The following PARD3B variants were observed in gnomAD, a reference collection of about 807,000 sequenced individuals.
PARD3B encodes the protein par-3 family cell polarity regulator beta.
In PARD3B, 103 loss-of-function variants were observed where a neutral mutation model predicts 130.2. The observed-to-expected ratio is 0.79, with a 90% CI of 0.67 to 0.93. The LOEUF is 0.93. PARD3B is among the 40% of genes least tolerant of loss of function. The pLI, the probability that PARD3B is intolerant of heterozygous loss-of-function variation, is 0.00. For missense variants in PARD3B, 1,609 were observed against 1,499.2 expected, an observed-to-expected ratio of 1.07 and a Z score of -1.21; for synonymous variants, 583 against 553.2, an observed-to-expected ratio of 1.05 and a Z score of -0.76.
intron 2 of PARD3B, among the ~76,000 whole-genome samples, chr2:204,847,661 C>T (rs748335493): frequency 1.3e-5 from 2 of 152,158 alleles, no homozygotes; most frequent in Non-Finnish European, 2.9e-5. Flanking sequence ...ACCTGCTAGC[C>T]TTCTAAGTCA....
chr2:205,023,301 G>A (rs1696762612), intron 3 of PARD3B, among the ~76,000 whole-genome samples: 1 of 152,054 alleles, frequency 6.6e-6, no homozygotes, highest in Non-Finnish European at 1.5e-5. Context: ...GCACAATGTC[G>A]ATTAAAATAA....
At chr2:205,118,179 G>T (rs1456363933) in intron 6 of PARD3B, among the ~76,000 whole-genome samples, 1 of 152,172 alleles carries the variant, frequency 6.6e-6, no homozygotes, top group Non-Finnish European at 1.5e-5. Context: ...ATCAGATTAA[G>T]TTCATTGGCT....
At chr2:204,920,322 T>A (rs1415182401) in intron 2 of PARD3B, among the ~76,000 whole-genome samples, 1 of 152,196 alleles carries the variant, frequency 6.6e-6, no homozygotes, top group Non-Finnish European at 1.5e-5. Context: ...AACCACTTGG[T>A]ATCAGAAGAT....
chr2:205,037,254 T>C (rs1698027982), intron 3 of PARD3B, among the ~76,000 whole-genome samples: 1 of 147,380 alleles, frequency 6.8e-6, no homozygotes, highest in Admixed American at 6.9e-5. Context: ...TAAAAATATA[T>C]ATATAGTGGA....
rs2040612087 is a variant in PARD3B, at chr2:205,268,840, C to T, written c.2185+23018C>T. 6.6e-6 allele frequency among the ~76,000 whole-genome samples: 1 copy of T among 151,998 alleles called. No individual in the cohort carries two copies. Among genetic ancestry groups the T allele is most frequent in the South Asian group, 2.1e-4 (1 of 4,816 alleles). On this transcript the variant is annotated intron_variant, in intron 16 of 22. Transcript: ENST00000406610. This position sits in a 1 kb window ranked among gnomAD's most constrained non-coding sequence, Gnocchi z 4.1. ...AGGTGGAAGGAGGAAAATAAATTAC[C>T]TCATTTTAACAACCTCATTAATAAG...
At chr2:205,261,267 GAATA>G (rs894006433) in intron 16 of PARD3B, among the ~76,000 whole-genome samples, 13 of 152,146 alleles carry the variant, frequency 8.5e-5, no homozygotes, top group African/African-American at 2.4e-5. Flanking sequence ...ATGAATGAAT[GAATA>G]TTCTTTGTAA....
At chr2:205,358,937 A>T (rs1406859402) in intron 18 of PARD3B, among the ~76,000 whole-genome samples, 1 of 152,154 alleles carries the variant, frequency 6.6e-6, no homozygotes, top group African/African-American at 2.4e-5. Flanking sequence ...AACTTGTAGA[A>T]ATTTGTGCCC....
Position 205,172,354 on chromosome 2 carries a change from T to C in PARD3B, c.1764T>C (p.Ile588=). The part of the protein sequence containing the change: ...GNIRGMIQLV[I]LRRPERPMED... ...TCCGAGGGATGATCCAGTTGGTGAT[T>C]CTGAGGAGGCCAGAGAGACCAATGG... Residue 588 remains isoleucine (I), a synonymous_variant, in exon 12 of 23, where the codon ATT becomes ATC. Coordinates refer to ENST00000406610, the MANE Select transcript of PARD3B (RefSeq NM_001302769.2). 6.2e-7 allele frequency: 1 copy of C among 1,614,080 alleles called. No homozygotes were observed. The highest frequency in any genetic ancestry group is 8.5e-7 in the Non-Finnish European group (1 of 1,179,974).
At chr2:204,602,187 G>A (rs917900499) in intron 1 of PARD3B, among the ~76,000 whole-genome samples, 3 of 152,008 alleles carry the variant, frequency 2.0e-5, no homozygotes, top group African/African-American at 7.2e-5. Context: ...TCATCAAATG[G>A]ACAGAATAAA....
At chr2:204,957,728 G>A (rs971830424) in intron 2 of PARD3B, among the ~76,000 whole-genome samples, 1 of 152,024 alleles carries the variant, frequency 6.6e-6, no homozygotes, top group Non-Finnish European at 1.5e-5. Context: ...TTGTTATTTA[G>A]TTACAAGCAG....
In PARD3B at chr2:205,241,837, G is replaced by T. The variant is rs557551809; in HGVS notation, c.2141-3941G>T. Among the ~76,000 whole-genome samples, 1 of 152,112 alleles carries T rather than the reference G, an allele frequency of 6.6e-6. No individual in the cohort carries two copies. The highest frequency in any genetic ancestry group is 6.5e-5 in the Admixed American group (1 of 15,284). On this transcript the variant is annotated intron_variant, in intron 15 of 22. Coordinates refer to ENST00000406610, the MANE Select transcript of PARD3B (RefSeq NM_001302769.2). The surrounding 1 kb of genome is among the most constrained non-coding windows in gnomAD (Gnocchi z 4.2). ...TTCCAATCACTGTGCTAAATATTATGCAGTGAAACTACTAGACGTAAGCTT... is the reference window on the plus strand; with the variant it reads ...TTCCAATCACTGTGCTAAATATTATTCAGTGAAACTACTAGACGTAAGCTT...
intron 3 of PARD3B, among the ~76,000 whole-genome samples, chr2:204,982,187 A>T (rs1370196083): frequency 1.3e-5 from 2 of 152,154 alleles, no homozygotes; most frequent in East Asian, 3.9e-4. Context: ...TCACATTAGG[A>T]CACAAGTAGG....
chr2:205,375,160 C>T (rs1225364811), intron 18 of PARD3B, among the ~76,000 whole-genome samples: 2 of 152,140 alleles, frequency 1.3e-5, no homozygotes, highest in East Asian at 1.9e-4. Context: ...TACCCTGACA[C>T]TTGTCTCATC....
rs986650561 is a variant in PARD3B, at chr2:204,606,200, CAT to C, written c.120+60082_120+60083del. ...GATTTTTGTCTTTGAGTTTGCCACA[CAT>C]GTGGCATAGTGCAGCGCCTTATGTA... On this transcript the variant is annotated intron_variant, in intron 1 of 22. Transcript: ENST00000406610. The surrounding 1 kb of genome is among the most constrained non-coding windows in gnomAD (Gnocchi z 4.0). 1.1e-4 allele frequency among the ~76,000 whole-genome samples: 16 copies of C among 152,310 alleles called. No individual in the cohort carries two copies. The highest frequency in any genetic ancestry group is 2.4e-4 in the African/African-American group (10 of 41,570).
chr2:205,594,536 T>A (rs2054501790), intron 22 of PARD3B, among the ~76,000 whole-genome samples: 1 of 152,070 alleles, frequency 6.6e-6, no homozygotes, highest in Non-Finnish European at 1.5e-5. Flanking sequence ...ACATGGGAAA[T>A]GTCAGTGAGA....
At chr2:205,310,340 C>T (rs1007812897) in intron 18 of PARD3B, among the ~76,000 whole-genome samples, 5 of 152,022 alleles carry the variant, frequency 3.3e-5, no homozygotes, top group Non-Finnish European at 7.4e-5. Flanking sequence ...CCTGCCTCAG[C>T]CTCCCAAAGT....
chr2:204,859,138 A>C (rs1034165158), intron 2 of PARD3B, among the ~76,000 whole-genome samples: 2 of 152,126 alleles, frequency 1.3e-5, no homozygotes, highest in African/African-American at 4.8e-5. Flanking sequence ...CCAATATTTA[A>C]TAGCCAATTT....
At chr2:204,659,458 T>A (rs1279262290) in intron 1 of PARD3B, among the ~76,000 whole-genome samples, 1 of 152,114 alleles carries the variant, frequency 6.6e-6, no homozygotes, top group Non-Finnish European at 1.5e-5. Context: ...GTGGGCTGAA[T>A]GAAGGCAAGA....
chr2:205,506,072 C>T (rs910354623), intron 21 of PARD3B, among the ~76,000 whole-genome samples: 2 of 152,080 alleles, frequency 1.3e-5, no homozygotes, highest in African/African-American at 2.4e-5. Context: ...CAGTGGCTCA[C>T]GCCTGTAACC....
Sources: allele counts gnomAD v4.1 joint callset (sites outside exome capture counted in the v4.1 genomes callset), GRCh38; gene constraint gnomAD v4.1.1; non-coding constraint Gnocchi (gnomAD v3.1); transcripts MANE v1.5; gene names NCBI Gene and HGNC (gene_info 2026-07-23, HGNC 2026-07-21).